NOVA1: variants seen among roughly 807,000 people sequenced by gnomAD.
NOVA1 encodes NOVA alternative splicing regulator 1.
A neutral mutation model predicts 38.0 loss-of-function variants in NOVA1; 7 were observed. That is an observed-to-expected ratio of 0.18 (90% confidence interval 0.10 to 0.35). NOVA1 has a LOEUF of 0.35. Ranked by LOEUF, NOVA1 falls within the 10% of genes least tolerant of loss-of-function variation. NOVA1 has a pLI of 1.00. For missense variants in NOVA1, 460 were observed against 616.0 expected (o/e 0.75, Z 2.68); for synonymous variants, 270 against 232.5 (o/e 1.16, Z -1.47).
intron 3 of NOVA1, among the ~76,000 whole-genome samples, chr14:26,476,312 G>A (rs1280574118): frequency 6.6e-6 from 1 of 152,078 alleles, no homozygotes; most frequent in Non-Finnish European, 1.5e-5. Flanking sequence ...AACAGCATAA[G>A]TGACTTCTTT....
intron 2 of NOVA1, among the ~76,000 whole-genome samples, chr14:26,521,166 T>A (rs1173137174): frequency 1.3e-5 from 2 of 151,988 alleles, no homozygotes; most frequent in Non-Finnish European, 2.9e-5. Context: ...ATGACTATTT[T>A]AGGTCACAAG....
At chr14:26,532,243 A>G (rs1594479850) in intron 2 of NOVA1, among the ~76,000 whole-genome samples, 1 of 152,338 alleles carries the variant, frequency 6.6e-6, no homozygotes, top group African/African-American at 2.4e-5. Context: ...TCAAATATTC[A>G]TAGCAATTTT....
chr14:26,499,368 A>G (rs1887080937), intron 2 of NOVA1, among the ~76,000 whole-genome samples: 1 of 152,202 alleles, frequency 6.6e-6, no homozygotes, highest in African/African-American at 2.4e-5. Context: ...AGAGACCAAC[A>G]GTCTAAAAGT....
At position 26,595,433 on chromosome 14, in the gene NOVA1, G is replaced by C; in HGVS notation, c.257C>G (p.Ser86Cys). The C allele has an allele frequency of 6.2e-7, 1 of 1,613,838 alleles. No homozygotes were observed. Among genetic ancestry groups the C allele is most frequent in the Non-Finnish European group, 8.5e-7 (1 of 1,179,830 alleles). ...ACCTGGGTAAAAATCTTTGGACTTA[G>C]ACAGCTTGATGGTGGCTCCAGTTTC... ...QKETGATIKL[S>C]KSKDFYPGTT... Residue 86 changes from serine (S) to cysteine (C), a missense_variant, in exon 2 of 5, where the codon TCT (serine) becomes TGT (cysteine). Ser to Cys is a moderately radical substitution (Grantham distance 112, BLOSUM62 -1). Transcript: ENST00000539517.
chr14:26,550,599 A>C (rs1437181578), intron 2 of NOVA1, among the ~76,000 whole-genome samples: 1 of 152,134 alleles, frequency 6.6e-6, no homozygotes, highest in Non-Finnish European at 1.5e-5. Flanking sequence ...CAAATTCAAT[A>C]ATTATTCTCT....
intron 2 of NOVA1, among the ~76,000 whole-genome samples, chr14:26,482,238 T>C (rs116085732): frequency 0.012 from 1,875 of 152,176 alleles, 39 homozygotes; most frequent in African/African-American, 0.041. Flanking sequence ...AGGTTCACAA[T>C]TGCAGTACAT....
chr14:26,511,546 T>C (rs576924123), intron 2 of NOVA1, among the ~76,000 whole-genome samples: 1 of 151,998 alleles, frequency 6.6e-6, no homozygotes, highest in Non-Finnish European at 1.5e-5. Flanking sequence ...GGCGGGCAGA[T>C]CACAAGGTCA....
intron 4 of NOVA1, among the ~76,000 whole-genome samples, chr14:26,465,894 C>T (rs1884079300): frequency 1.3e-5 from 2 of 151,758 alleles, no homozygotes; most frequent in Non-Finnish European, 2.9e-5. Flanking sequence ...ACACAATACA[C>T]ATGATAATAA....
intron 2 of NOVA1, among the ~76,000 whole-genome samples, chr14:26,591,603 T>C (rs1482197179): frequency 1.3e-5 from 2 of 151,708 alleles, no homozygotes; most frequent in Admixed American, 6.6e-5. Flanking sequence ...CTTCCTTCAA[T>C]GATGTAAACA....
At chr14:26,567,828 A>T (rs2138707682) in intron 2 of NOVA1, among the ~76,000 whole-genome samples, 1 of 152,316 alleles carries the variant, frequency 6.6e-6, no homozygotes, top group African/African-American at 2.4e-5. Context: ...TAAACTAGTT[A>T]TGCTTTTAAA....
chr14:26,539,214 G>A lies in NOVA1; in HGVS notation c.280+56196C>T, dbSNP rs144901344. ...CATGCAGGACAGTGCCGGGTACACA[G>A]TATTACTAAATAAACACTGAATGAA... On this transcript the variant is annotated intron_variant, in intron 2 of 4. Coordinates refer to ENST00000539517, the MANE Select transcript of NOVA1 (RefSeq NM_002515.3). 3.0e-3 allele frequency among the ~76,000 whole-genome samples: 450 copies of A among 152,198 alleles called. 1 individual carries two copies. The highest frequency in any genetic ancestry group is 4.7e-3 in the Non-Finnish European group (322 of 68,024).
intron 2 of NOVA1, among the ~76,000 whole-genome samples, chr14:26,530,074 C>A (rs1173946545): frequency 3.9e-5 from 6 of 152,168 alleles, no homozygotes; most frequent in Non-Finnish European, 8.8e-5. Flanking sequence ...CACCCGCCAC[C>A]ACGCCTGGCT....
intron 2 of NOVA1, among the ~76,000 whole-genome samples, chr14:26,503,190 T>C (rs889288375): frequency 3.9e-5 from 6 of 152,064 alleles, no homozygotes; most frequent in African/African-American, 1.4e-4. Flanking sequence ...CTAGTATTTA[T>C]TCCTTAATAT....
chr14:26,555,796 T>C (rs61986533), intron 2 of NOVA1, among the ~76,000 whole-genome samples: 6,382 of 152,240 alleles, frequency 0.042, 194 homozygotes, highest in South Asian at 0.097. Context: ...TTATCACTTA[T>C]GTCAACCAGG....
At chr14:26,528,275 C>T (rs780755020) in intron 2 of NOVA1, among the ~76,000 whole-genome samples, 47 of 152,100 alleles carry the variant, frequency 3.1e-4, no homozygotes, top group Non-Finnish European at 5.0e-4. Flanking sequence ...TAGGTTTAGG[C>T]AGTTAGGGAT....
intron 1 of NOVA1, chr14:26,596,990 G>T: frequency 8.0e-7 from 1 of 1,242,820 alleles, no homozygotes; most frequent in Non-Finnish European, 1.0e-6. Flanking sequence ...GGACCTTCTT[G>T]CCCAGGTCTA....
intron 2 of NOVA1, among the ~76,000 whole-genome samples, chr14:26,508,178 T>C (rs1446973126): frequency 6.6e-6 from 1 of 152,114 alleles, no homozygotes; most frequent in Non-Finnish European, 1.5e-5. Context: ...GAGATAAGGT[T>C]ATTGATTTCT....
In NOVA1 at chr14:26,451,162, TA is replaced by T. The variant is rs1383937371; in HGVS notation, c.520-2200del. Among the ~76,000 whole-genome samples, 4 of 152,154 alleles carry T rather than the reference TA, an allele frequency of 2.6e-5. No homozygotes were observed. In the South Asian group the frequency reaches 8.3e-4, roughly 31 times the overall value. ...CACTCTATGAAATGTGTGAAGATATTAATTTCTACTATATGGCACATCAGTC... is the reference window on the plus strand; with the variant it reads ...CACTCTATGAAATGTGTGAAGATATTATTTCTACTATATGGCACATCAGTC... On this transcript the variant is annotated intron_variant, in intron 4 of 4. Coordinates refer to ENST00000539517, the MANE Select transcript of NOVA1 (RefSeq NM_002515.3).
chr14:26,588,042 T>C (rs1893635987), intron 2 of NOVA1, among the ~76,000 whole-genome samples: 1 of 151,260 alleles, frequency 6.6e-6, no homozygotes, highest in Non-Finnish European at 1.5e-5. Flanking sequence ...TGAAATCTTT[T>C]TAATTAACAA....
Sources: allele counts gnomAD v4.1 joint callset (sites outside exome capture counted in the v4.1 genomes callset), GRCh38; gene constraint gnomAD v4.1.1; transcripts MANE v1.5; gene names NCBI Gene and HGNC (gene_info 2026-07-23, HGNC 2026-07-21).